The following LOC128462377 variants were observed in gnomAD, a reference collection of about 807,000 sequenced individuals.
chr16:89,358,511 T>C, the LOC128462377 span, among the ~76,000 whole-genome samples: 1 of 152,274 alleles, frequency 6.6e-6, no homozygotes, highest in African/African-American at 2.4e-5. Flanking sequence ...ATACCCCGTT[T>C]TCCATGATAT....
chr16:89,352,503 G>A, the LOC128462377 span, among the ~76,000 whole-genome samples: 10 of 152,122 alleles, frequency 6.6e-5, no homozygotes, highest in Admixed American at 6.5e-4. Flanking sequence ...ACACCCTTCA[G>A]AGCTTCTGGC....
the LOC128462377 span, among the ~76,000 whole-genome samples, chr16:89,344,746 G>A: frequency 2.7e-5 from 4 of 147,654 alleles, no homozygotes; most frequent in Non-Finnish European, 4.4e-5. Flanking sequence ...GGAGCACAGC[G>A]GAGGGCACGG....
the LOC128462377 span, among the ~76,000 whole-genome samples, chr16:89,346,796 A>C: frequency 6.6e-6 from 1 of 152,264 alleles, no homozygotes; most frequent in South Asian, 2.1e-4. Context: ...AGAGACTCTA[A>C]AAGTTAGAAT....
the LOC128462377 span, among the ~76,000 whole-genome samples, chr16:89,348,113 G>A: frequency 1.3e-5 from 2 of 151,728 alleles, no homozygotes; most frequent in Non-Finnish European, 2.9e-5. Context: ...TGTATTTTTT[G>A]TACAGATAGG....
At chr16:89,390,683 G>A in the LOC128462377 span, among the ~76,000 whole-genome samples, 34 of 152,162 alleles carry the variant, frequency 2.2e-4, no homozygotes, top group African/African-American at 7.5e-4. Flanking sequence ...ACAGGTTCTC[G>A]GGGAAACAGT....
the LOC128462377 span, chr16:89,324,721 G>GATCCGGC: frequency 6.3e-6 from 2 of 318,052 alleles, no homozygotes; most frequent in Non-Finnish European, 1.2e-5. Flanking sequence ...TTGGGTTCTT[G>GATCCGGC]GACCTACACC....
chr16:89,352,260 T>C, the LOC128462377 span, among the ~76,000 whole-genome samples: 2 of 151,918 alleles, frequency 1.3e-5, no homozygotes, highest in East Asian at 3.9e-4. Context: ...ACAAGACTTG[T>C]CCTAAGGACT....
At chr16:89,416,020 C>G in the LOC128462377 span, among the ~76,000 whole-genome samples, 2 of 151,746 alleles carry the variant, frequency 1.3e-5, no homozygotes, top group African/African-American at 4.8e-5. Flanking sequence ...AAGGGCCTTC[C>G]TCGTATTCAA....
chr16:89,325,193 T>A, the LOC128462377 span: 2 of 152,058 alleles, frequency 1.3e-5, no homozygotes, highest in Non-Finnish European at 2.9e-5. Flanking sequence ...GATGTGAGGG[T>A]GGAACACTAC....
At chr16:89,337,542 T>G in the LOC128462377 span, among the ~76,000 whole-genome samples, 11 of 141,566 alleles carry the variant, frequency 7.8e-5, no homozygotes, top group African/African-American at 2.9e-4. Context: ...GTTCACGCCA[T>G]TCTCCTGCCT....
At chr16:89,410,418 A>G in the LOC128462377 span, among the ~76,000 whole-genome samples, 1 of 152,230 alleles carries the variant, frequency 6.6e-6, no homozygotes, top group African/African-American at 2.4e-5. Flanking sequence ...AAAAAGACTC[A>G]TGGACACTGG....
chr16:89,372,400 A>ACGGACGGGGTCGACAAGGCAGTGG, the LOC128462377 span, among the ~76,000 whole-genome samples: 12 of 152,164 alleles, frequency 7.9e-5, no homozygotes, highest in Non-Finnish European at 1.6e-4. Context: ...CCCTCACAGC[A>ACGGACGGGGTCGACAAGGCAGTGG]CGGACGGGGT....
At chr16:89,391,438 A>T in the LOC128462377 span, among the ~76,000 whole-genome samples, 1 of 152,054 alleles carries the variant, frequency 6.6e-6, no homozygotes, top group African/African-American at 2.4e-5. Flanking sequence ...ATTGTGGGAC[A>T]CCCAGCTGGT....
At chr16:89,324,222 G>T in the LOC128462377 span, 1 of 1,198,124 alleles carries the variant, frequency 8.3e-7, no homozygotes, top group South Asian at 1.5e-5. Flanking sequence ...ACTGGCCTCT[G>T]CTTTGCCCCT....
At chr16:89,390,938 A>C in the LOC128462377 span, among the ~76,000 whole-genome samples, 1 of 152,200 alleles carries the variant, frequency 6.6e-6, no homozygotes, top group Non-Finnish European at 1.5e-5. Flanking sequence ...TCATAAAATT[A>C]TTGCACCAGG....
chr16:89,346,242 C>T, the LOC128462377 span, among the ~76,000 whole-genome samples: 5 of 131,214 alleles, frequency 3.8e-5, no homozygotes, highest in Admixed American at 4.0e-4. Context: ...AGGGAGACCC[C>T]GTCTCAGGAA....
chr16:89,388,137 A>G, the LOC128462377 span, among the ~76,000 whole-genome samples: 2 of 152,116 alleles, frequency 1.3e-5, no homozygotes, highest in Admixed American at 1.3e-4. Context: ...TAATGCTAAC[A>G]TCATACATAA....
At chr16:89,379,122 A>G in the LOC128462377 span, among the ~76,000 whole-genome samples, 2 of 152,158 alleles carry the variant, frequency 1.3e-5, no homozygotes, top group Admixed American at 6.5e-5. Context: ...GGCCTTTCTC[A>G]CTGGCTTCTA....
chr16:89,334,746 T>C, the LOC128462377 span, among the ~76,000 whole-genome samples: 1 of 152,030 alleles, frequency 6.6e-6, no homozygotes, highest in Admixed American at 6.6e-5. Context: ...CCACACTCAC[T>C]TGTGCAAAAC....
Sources: allele counts gnomAD v4.1 joint callset (sites outside exome capture counted in the v4.1 genomes callset), GRCh38; gene constraint gnomAD v4.1.1; transcripts MANE v1.5.